The following USP24 variants were observed in gnomAD, a reference collection of about 807,000 sequenced individuals.
The protein encoded by USP24 is ubiquitin carboxyl-terminal hydrolase 24.
Under a neutral mutation model 361.6 loss-of-function variants are expected in USP24, and 97 were observed. The observed-to-expected ratio is 0.27, with a 90% CI of 0.23 to 0.32. USP24 has a LOEUF of 0.32. Ranked by LOEUF, USP24 falls within the 10% of genes least tolerant of loss-of-function variation. The pLI is 1.00. For missense variants in USP24, 2,353 were observed against 3,165.6 expected, an observed-to-expected ratio of 0.74 and a Z score of 6.16; for synonymous variants, 1,098 against 1,124.6, an observed-to-expected ratio of 0.98 and a Z score of 0.47.
At chr1:55,069,962 CT>C (rs1380061535) in intron 67 of USP24, among the ~76,000 whole-genome samples, 4 of 148,030 alleles carry the variant, frequency 2.7e-5, no homozygotes, top group Admixed American at 6.8e-5. Context: ...GTTGAGGATT[CT>C]GGCTTTTCTC....
chr1:55,166,441 T>A, intron 6 of USP24, 127 bp downstream of exon 6: 2 of 892,548 alleles, frequency 2.2e-6, no homozygotes, highest in Non-Finnish European at 3.4e-6. Flanking sequence ...AAATATGAAA[T>A]CCACTCCTTA....
chr1:55,133,861 G>C (rs1646662109), intron 30 of USP24, among the ~76,000 whole-genome samples: 1 of 152,002 alleles, frequency 6.6e-6, no homozygotes, highest in Admixed American at 6.6e-5. Context: ...TTGAACTCTG[G>C]GGCTCAAGCC....
chr1:55,087,446 C>T (rs1454447621), intron 55 of USP24, among the ~76,000 whole-genome samples: 2 of 152,188 alleles, frequency 1.3e-5, no homozygotes, highest in African/African-American at 2.4e-5. Flanking sequence ...TGCATATTTG[C>T]CATGTTCCTT....
intron 23 of USP24, 33 bp downstream of exon 23, chr1:55,142,709 T>A: frequency 2.9e-6 from 4 of 1,386,422 alleles, no homozygotes; most frequent in Non-Finnish European, 3.9e-6. Context: ...AGCATTTACC[T>A]CAAAGAGATG....
chr1:55,075,486 A>C lies in USP24; in HGVS notation c.7418T>G (p.Phe2473Cys). The C allele has an allele frequency of 6.2e-7, 1 of 1,605,088 alleles. No individual in the cohort carries two copies. Among genetic ancestry groups the C allele is most frequent in the Non-Finnish European group, 8.5e-7 (1 of 1,175,892 alleles). Residue 2473 changes from phenylalanine (F) to cysteine (C), a missense_variant, in exon 63 of 68, where the codon TTT (phenylalanine) becomes TGT (cysteine). By Grantham distance (205) the Phe-to-Cys change is radical. Around this residue, in one of 8 missense-constraint regions of USP24, gnomAD observed 598 missense variants for 761.9 expected, o/e 0.78. Transcript: ENST00000294383. ...TAATCCATTTTCTGTCTCAAACACAAATTTGACTCGCTCTACTTGTATAGG... is the reference window on the plus strand; with the variant it reads ...TAATCCATTTTCTGTCTCAAACACACATTTGACTCGCTCTACTTGTATAGG... The part of the protein sequence containing the change: ...EDPIQVERVK[F>C]VFETENGLLA...
At chr1:55,145,602 T>C (rs1044999404) in intron 20 of USP24, among the ~76,000 whole-genome samples, 1 of 152,212 alleles carries the variant, frequency 6.6e-6, no homozygotes, top group Non-Finnish European at 1.5e-5. Context: ...TTTGTGAATA[T>C]ACTAAAAGCC....
intron 3 of USP24, 94 bp from the exon 4 acceptor site, chr1:55,172,614 T>C (rs1649566079): frequency 1.5e-6 from 2 of 1,342,960 alleles, no homozygotes; most frequent in Non-Finnish European, 2.0e-6. Context: ...TGAGAGATTA[T>C]GATGAAAATA....
intron 1 of USP24, among the ~76,000 whole-genome samples, chr1:55,191,538 T>C (rs527750192): frequency 5.3e-5 from 8 of 149,538 alleles, no homozygotes; most frequent in African/African-American, 2.0e-4. Context: ...TCACCCACAC[T>C]GGAGTGCAGT....
chr1:55,079,494 C>T lies in USP24; in HGVS notation c.7200+44G>A, dbSNP rs1025818850. 2.6e-6 allele frequency: 4 copies of T among 1,552,924 alleles called. No homozygotes were observed. In the South Asian group the frequency reaches 3.9e-5, roughly 15 times the overall value. ...ACTCGTAACAAAAAGCAATTTTCCTCAAACAGGAGGGAAAAAAATGGCTTT... is the reference window on the plus strand; with the variant it reads ...ACTCGTAACAAAAAGCAATTTTCCTTAAACAGGAGGGAAAAAAATGGCTTT... On this transcript the variant is annotated intron_variant, in intron 60 of 67. Coordinates refer to ENST00000294383, the MANE Select transcript of USP24 (RefSeq NM_015306.3).
intron 1 of USP24, among the ~76,000 whole-genome samples, chr1:55,187,849 C>T (rs1201663730): frequency 6.6e-6 from 1 of 152,130 alleles, no homozygotes; most frequent in Non-Finnish European, 1.5e-5. Context: ...TAACAATATT[C>T]CCCAAATTGG....
At chr1:55,169,231 C>T (rs187643307) in intron 5 of USP24, among the ~76,000 whole-genome samples, 83 of 151,718 alleles carry the variant, frequency 5.5e-4, no homozygotes, top group African/African-American at 2.0e-3. Context: ...AAAAAAAATC[C>T]GTGAATTGTA....
intron 1 of USP24, among the ~76,000 whole-genome samples, chr1:55,189,309 T>G (rs999460680): frequency 6.6e-6 from 1 of 152,204 alleles, no homozygotes; most frequent in African/African-American, 2.4e-5. Flanking sequence ...ATGTGTTATA[T>G]CCATACAATG....
chr1:55,129,787 G>C (rs1646539264), intron 31 of USP24, among the ~76,000 whole-genome samples: 1 of 152,138 alleles, frequency 6.6e-6, no homozygotes, highest in African/African-American at 2.4e-5. Flanking sequence ...TTCCGTTCTA[G>C]AGAAAGCTGG....
chr1:55,162,153 G>T, intron 8 of USP24, 46 bp downstream of exon 8: 4 of 1,529,662 alleles, frequency 2.6e-6, no homozygotes, highest in Non-Finnish European at 3.5e-6. Context: ...ATTACTGTTT[G>T]CATGTCTTCA....
chr1:55,121,605 C>T (rs1646283619), intron 36 of USP24, 99 bp from the exon 37 acceptor site: 1 of 946,620 alleles, frequency 1.1e-6, no homozygotes, highest in Non-Finnish European at 1.6e-6. Flanking sequence ...AGCATAAGCT[C>T]TTCTCTTTTA....
intron 31 of USP24, 26 bp downstream of exon 31, chr1:55,132,518 GA>G: frequency 6.3e-7 from 1 of 1,591,964 alleles, no homozygotes; most frequent in Non-Finnish European, 8.6e-7. Flanking sequence ...CTGTCAAAAT[GA>G]AATGGAAAGA....
At chr1:55,110,729 T>C (rs1645925025) in intron 38 of USP24, among the ~76,000 whole-genome samples, 1 of 152,126 alleles carries the variant, frequency 6.6e-6, no homozygotes, top group Non-Finnish European at 1.5e-5. Context: ...TTACAGAGGA[T>C]GATCAAAGAA....
At chr1:55,078,946 CA>C (rs112282583) in intron 60 of USP24, among the ~76,000 whole-genome samples, 2,437 of 68,892 alleles carry the variant, frequency 0.035, 27 homozygotes, top group African/African-American at 0.072. Context: ...AAATATTAAG[CA>C]AAAAAAAAAA....
rs541563087 is a variant in USP24, at chr1:55,172,434, G to A, written c.645C>T (p.Val215=). 11 of 1,613,170 alleles carry A rather than the reference G, an allele frequency of 6.8e-6. No individual in the cohort carries two copies. The highest frequency in any genetic ancestry group is 4.0e-5 in the African/African-American group (3 of 74,848). ...TTGGATCTTGTTTTATTCTCTCTGC[G>A]ACCAGTTCTATTAATAGCATCAACA... ...YNMLMLLIEL[V]AERIKQDPIP... is the part of the protein sequence containing the mutation. The change falls in exon 4 of 68, where the codon GTC becomes GTT. Residue 215 remains valine, a synonymous_variant. Coordinates refer to ENST00000294383, the MANE Select transcript of USP24 (RefSeq NM_015306.3).
Sources: allele counts gnomAD v4.1 joint callset (sites outside exome capture counted in the v4.1 genomes callset), GRCh38; gene constraint gnomAD v4.1.1; regional missense constraint gnomAD v4.1.1; transcripts MANE v1.5; gene names NCBI Gene and HGNC (gene_info 2026-07-23, HGNC 2026-07-21).